The following ST7L variants were observed in gnomAD, a reference collection of about 807,000 sequenced individuals.
The protein encoded by ST7L is suppression of tumorigenicity 7 like.
A neutral mutation model predicts 72.5 loss-of-function variants in ST7L; 57 were observed. The observed-to-expected ratio is 0.79, with a 90% confidence interval of 0.64 to 0.98. The LOEUF (loss-of-function observed/expected upper bound fraction) is 0.98, where lower values mean the gene tolerates loss of function less well. Ranked by LOEUF, ST7L falls within the 50% of genes least tolerant of loss-of-function variation. ST7L has a pLI of 0.00. For synonymous variants in ST7L, 221 were observed against 240.9 expected, an observed-to-expected ratio of 0.92 and a Z score of 0.77; for missense variants, 576 against 672.2, an observed-to-expected ratio of 0.86 and a Z score of 1.58.
intron 11 of ST7L, among the ~76,000 whole-genome samples, chr1:112,559,630 T>C (rs1324333195): frequency 6.6e-6 from 1 of 152,204 alleles, no homozygotes; most frequent in Admixed American, 6.5e-5. Context: ...GGCACACTTA[T>C]TAAGAAATTA....
chr1:112,540,285 A>G (rs1655894345), intron 14 of ST7L: 1 of 985,314 alleles, frequency 1.0e-6, no homozygotes, highest in Admixed American at 6.1e-5. Context: ...GATCTCACAT[A>G]CACAGTTGCA....
chr1:112,522,367 C>G (rs1652928799), downstream of ST7L: 1 of 152,262 alleles, frequency 6.6e-6, no homozygotes, highest in African/African-American at 2.4e-5. Flanking sequence ...CAAACTCCAG[C>G]CCGCAGATCC....
chr1:112,534,040 C>T (rs761652436), intron 14 of ST7L, among the ~76,000 whole-genome samples: 38 of 152,170 alleles, frequency 2.5e-4, no homozygotes, highest in Non-Finnish European at 5.0e-4. Context: ...GAAGAGTACT[C>T]CCAGGCAGCT....
Position 112,526,060 on chromosome 1 carries a change from T to C in ST7L, c.1681A>G (p.Asn561Asp). Residue 561 changes from asparagine (N) to aspartate (D), a missense_variant, in exon 15 of 15, where the codon AAT (asparagine) becomes GAT (aspartate). Asn to Asp is a conservative substitution (Grantham distance 23). Around this residue, in one of 3 missense-constraint regions of ST7L, gnomAD observed 511 missense variants for 600.7 expected, o/e 0.85. Transcript: ENST00000358039. ...QPWASSGFEENTQDLKSEDLG... is the reference protein window; with the variant it reads ...QPWASSGFEEDTQDLKSEDLG... Reference sequence around the variant, plus strand: ...TCTTCTGACTTCAAATCCTGTGTATTCTCCTCAAAGCCTGAGGATGCCCAG... The same window carrying C: ...TCTTCTGACTTCAAATCCTGTGTATCCTCCTCAAAGCCTGAGGATGCCCAG... The C allele has an allele frequency of 6.2e-7, 1 of 1,614,086 alleles. No homozygotes were observed. The highest frequency in any genetic ancestry group is 8.5e-7 in the Non-Finnish European group (1 of 1,180,020).
intron 11 of ST7L, among the ~76,000 whole-genome samples, chr1:112,568,003 T>C (rs1241844060): frequency 3.3e-5 from 5 of 152,212 alleles, no homozygotes; most frequent in East Asian, 1.9e-4. Flanking sequence ...ACATTTATAG[T>C]AGATCACTGA....
At chr1:112,603,525 C>A (rs1337919077) in intron 3 of ST7L, among the ~76,000 whole-genome samples, 2 of 152,160 alleles carry the variant, frequency 1.3e-5, no homozygotes, top group Non-Finnish European at 2.9e-5. Flanking sequence ...CTGTGTGATG[C>A]CAGGTTTTCT....
chr1:112,547,559 ATCTTTTT>A (rs1657315170), intron 13 of ST7L, among the ~76,000 whole-genome samples: 1 of 83,382 alleles, frequency 1.2e-5, no homozygotes, highest in African/African-American at 4.6e-5. Flanking sequence ...CATCTTTGTC[ATCTTTTT>A]TTTTTTTTTT....
chr1:112,542,510 C>T (rs141395398), intron 13 of ST7L, among the ~76,000 whole-genome samples: 7 of 152,222 alleles, frequency 4.6e-5, no homozygotes, highest in East Asian at 3.9e-4. Context: ...GTAATCCCAG[C>T]GCTTTGGGGG....
chr1:112,519,881 T>C (rs1401961667), downstream of ST7L, among the ~76,000 whole-genome samples: 5 of 148,984 alleles, frequency 3.4e-5, no homozygotes, highest in African/African-American at 7.4e-5. Flanking sequence ...TCTTTTTTTT[T>C]TTTTTTTTTT....
intron 12 of ST7L, among the ~76,000 whole-genome samples, chr1:112,551,548 G>C (rs1658189434): frequency 6.6e-6 from 1 of 152,124 alleles, no homozygotes; most frequent in South Asian, 2.1e-4. Flanking sequence ...TCGGAACATA[G>C]TTATGCCATT....
At chr1:112,537,183 G>A (rs1161554789) in intron 14 of ST7L, among the ~76,000 whole-genome samples, 1 of 152,048 alleles carries the variant, frequency 6.6e-6, no homozygotes, top group Non-Finnish European at 1.5e-5. Flanking sequence ...ATTTTTAGTA[G>A]AGACGGGGTT....
rs1653045648 is a variant in ST7L, at chr1:112,524,019, AAAAAC to A, written c.*1989_*1993del. On this transcript the variant is annotated 3_prime_UTR_variant, in exon 15 of 15. Transcript: ENST00000358039. ...AGATTAAAAAAAAAAACAAAAAACA[AAAAAC>A]AAAAACAAACATTGCCTGGCCCTGA... The A allele has an allele frequency of 6.6e-6, 1 of 152,288 alleles. No homozygotes were observed. The highest frequency in any genetic ancestry group is 2.4e-5 in the African/African-American group (1 of 41,558). The allele number at this position is 152,288 out of a possible 1,614,324, so 9.4% of individuals were successfully genotyped here. A position where few individuals can be genotyped will look rare whatever the true frequency, so the allele number is the denominator to read the frequency against.
chr1:112,611,969 CAAAAAAA>C (rs146893029), intron 2 of ST7L, among the ~76,000 whole-genome samples: 8 of 71,564 alleles, frequency 1.1e-4, no homozygotes, highest in African/African-American at 4.2e-4. Flanking sequence ...GACCCTGTCT[CAAAAAAA>C]AAAAAAAAAA....
intron 13 of ST7L, among the ~76,000 whole-genome samples, chr1:112,548,766 A>G (rs956190384): frequency 6.6e-6 from 1 of 152,246 alleles, no homozygotes; most frequent in African/African-American, 2.4e-5. Flanking sequence ...ACTAGTTTAC[A>G]GAGGAAAGAA....
intron 11 of ST7L, among the ~76,000 whole-genome samples, chr1:112,569,970 A>C (rs1390691301): frequency 4.6e-5 from 7 of 151,570 alleles, no homozygotes; most frequent in African/African-American, 7.2e-5. Context: ...AAAAAAAAAA[A>C]AAAACAAAAA....
rs761546449 is a variant in ST7L, at chr1:112,578,387, C to T, written c.1100G>A (p.Cys367Tyr). The part of the protein sequence containing the change: ...DISLPKSAAI[C>Y]YTAALLKTRT... Reference sequence around the variant, plus strand: ...TGTCTTCAACAGTGCTGCTGTGTAACAGATTGCTGCTGACTTTGGAAGGCT... The same window carrying T: ...TGTCTTCAACAGTGCTGCTGTGTAATAGATTGCTGCTGACTTTGGAAGGCT... The change falls in exon 10 of 15, where the codon TGT becomes TAT. Residue 367 changes from cysteine (C) to tyrosine (Y), a missense_variant. Cys to Tyr is a radical substitution (Grantham distance 194, BLOSUM62 -2). This residue lies in a region of ST7L where 511 missense variants were observed against 600.7 expected (regional missense o/e 0.85). Coordinates refer to ENST00000358039, the MANE Select transcript of ST7L (RefSeq NM_017744.5). The T allele has an allele frequency of 3.1e-6, 5 of 1,614,158 alleles. No individual in the cohort carries two copies. In the Admixed American group the frequency reaches 5.0e-5, roughly 16 times the overall value.
At chr1:112,574,520 G>A (rs1039329408) in intron 11 of ST7L, among the ~76,000 whole-genome samples, 5 of 151,714 alleles carry the variant, frequency 3.3e-5, no homozygotes, top group Admixed American at 6.6e-5. Flanking sequence ...TTAGCCAGGC[G>A]TGGTGGCGGG....
chr1:112,575,171 G>T (rs1485257094), intron 11 of ST7L, among the ~76,000 whole-genome samples: 5 of 152,078 alleles, frequency 3.3e-5, no homozygotes, highest in Non-Finnish European at 7.4e-5. Context: ...CTCTGGAGGC[G>T]GAGGTTGCAG....
At chr1:112,594,753 G>T (rs1666189059) in intron 5 of ST7L, among the ~76,000 whole-genome samples, 1 of 152,106 alleles carries the variant, frequency 6.6e-6, no homozygotes, top group African/African-American at 2.4e-5. Context: ...AAGTAAATAT[G>T]ATTTCGTTGA....
Sources: gnomAD v4.1 joint callset for allele counts (sites outside exome capture counted in the v4.1 genomes callset) on GRCh38, gnomAD v4.1.1 for gene constraint, gnomAD v4.1.1 regional missense constraint, MANE v1.5 for transcripts, NCBI Gene and HGNC (gene_info 2026-07-23, HGNC 2026-07-21) for gene names.